PCDHGA5: variants seen among roughly 807,000 people sequenced by gnomAD.
The protein encoded by PCDHGA5 is protocadherin gamma-A5.
In PCDHGA5, 36 loss-of-function variants were observed where a neutral mutation model predicts 56.7. The ratio of observed to expected loss-of-function variants is 0.64; its 90% CI spans 0.49 to 0.84. The LOEUF is 0.84. PCDHGA5 is among the 40% of genes least tolerant of loss of function. The pLI is 0.00. For missense variants in PCDHGA5, 1,305 were observed against 1,201.5 expected (o/e 1.09, Z -1.27); for synonymous variants, 563 against 520.2 (o/e 1.08, Z -1.12).
At chr5:141,398,415 C>T (rs2093654537) in intron 1 of PCDHGA5, 2 of 1,487,146 alleles carry the variant, frequency 1.3e-6, no homozygotes, top group Non-Finnish European at 1.9e-6. Context: ...AGGAGATATG[C>T]GGGAAGAAGC....
Position 141,485,966 on chromosome 5 carries a change from A to T in PCDHGA5, c.2422-8841A>T. ...AGCGGGCATGGTGCTCATCCAGCTC[A>T]ATGCCTCAGACCCGGACCTGGGTCC... On this transcript the variant is annotated intron_variant, in intron 1 of 3. Coordinates refer to ENST00000518069, the MANE Select transcript of PCDHGA5 (RefSeq NM_018918.3). The surrounding 1 kb of genome is among the most constrained non-coding windows in gnomAD (Gnocchi z 5.7). 1 of 1,614,168 alleles carries T rather than the reference A, an allele frequency of 6.2e-7. No individual in the cohort carries two copies. Among genetic ancestry groups the T allele is most frequent in the Non-Finnish European group, 8.5e-7 (1 of 1,179,988 alleles).
intron 1 of PCDHGA5, among the ~76,000 whole-genome samples, chr5:141,463,073 C>G (rs911706393): frequency 6.6e-6 from 1 of 152,110 alleles, no homozygotes; most frequent in African/African-American, 2.4e-5. Flanking sequence ...AAATGAAATT[C>G]AAACATTTTC....
At chr5:141,499,648 CAT>C (rs1434824310) in intron 2 of PCDHGA5, among the ~76,000 whole-genome samples, 2 of 148,784 alleles carry the variant, frequency 1.3e-5, no homozygotes, top group Admixed American at 6.7e-5. Flanking sequence ...TCTCAGACAT[CAT>C]ATAATTTCAT....
At position 141,487,791 on chromosome 5, in the gene PCDHGA5, C is replaced by T; in HGVS notation, c.2422-7016C>T. ...CTTTGTAACTGTTTCGTGAATTAAC[C>T]AGAGTTGTCACAGTTTAGCATTGGG... On this transcript the variant is annotated intron_variant, in intron 1 of 3. Coordinates refer to ENST00000518069, the MANE Select transcript of PCDHGA5 (RefSeq NM_018918.3). This position sits in a 1 kb window ranked among gnomAD's most constrained non-coding sequence, Gnocchi z 5.0. 6.6e-7 allele frequency: 1 copy of T among 1,510,152 alleles called. No individual in the cohort carries two copies. The highest frequency in any genetic ancestry group is 1.4e-5 in the African/African-American group (1 of 72,206). The allele number at this position is 1,510,152 out of a possible 1,614,324, so 93.5% of individuals were successfully genotyped here. A position where few individuals can be genotyped will look rare whatever the true frequency, so the allele number is the denominator to read the frequency against.
At position 141,490,561 on chromosome 5, in the gene PCDHGA5, A is replaced by C. The variant is rs2099701634; in HGVS notation, c.2422-4246A>C. The stretch of plus-strand genomic sequence containing the variant: ...TTCCCTACACAAACATCTCACCATC[A>C]GGCTCAACATTTCAGATGTCAATGA... On this transcript the variant is annotated intron_variant, in intron 1 of 3. Transcript: ENST00000518069. The surrounding 1 kb of genome is among the most constrained non-coding windows in gnomAD (Gnocchi z 5.4). The C allele has an allele frequency of 1.2e-6, 2 of 1,614,090 alleles. No homozygotes were observed. The highest frequency in any genetic ancestry group is 1.7e-4 in the Middle Eastern group (1 of 6,060).
chr5:141,464,640 C>T (rs1482089475), intron 1 of PCDHGA5, among the ~76,000 whole-genome samples: 2 of 151,952 alleles, frequency 1.3e-5, no homozygotes, highest in Admixed American at 6.6e-5. Context: ...TTGTTGCCAA[C>T]CTGATGGGTA....
rs1432960207 is a variant in PCDHGA5, at chr5:141,477,648, C to A, written c.2422-17159C>A. On this transcript the variant is annotated intron_variant, in intron 1 of 3. Coordinates refer to ENST00000518069, the MANE Select transcript of PCDHGA5 (RefSeq NM_018918.3). This position sits in a 1 kb window ranked among gnomAD's most constrained non-coding sequence, Gnocchi z 4.9. ...ACCGGGCTAGTGGGTCGCTATTTCA[C>A]AATAAATCGTGACAATGGCATAGTG... is the stretch of plus-strand genomic sequence containing the variant. 7 of 1,614,046 alleles carry A rather than the reference C, an allele frequency of 4.3e-6. No homozygotes were observed. Among genetic ancestry groups the A allele is most frequent in the Non-Finnish European group, 5.9e-6 (7 of 1,180,044 alleles).
intron 1 of PCDHGA5, among the ~76,000 whole-genome samples, chr5:141,481,692 G>A (rs1231630072): frequency 3.3e-5 from 5 of 152,020 alleles, no homozygotes; most frequent in East Asian, 1.9e-4. Context: ...GGTGGCTCAC[G>A]CCTGTAATCC....
intron 1 of PCDHGA5, among the ~76,000 whole-genome samples, chr5:141,402,017 A>G (rs1052839882): frequency 2.0e-5 from 3 of 152,210 alleles, no homozygotes; most frequent in African/African-American, 7.2e-5. Flanking sequence ...ATGCATTTGA[A>G]TCATTGAAAC....
chr5:141,413,660 T>C (rs747874019), intron 1 of PCDHGA5: 5 of 1,613,752 alleles, frequency 3.1e-6, no homozygotes, highest in Non-Finnish European at 4.2e-6. Flanking sequence ...CCGGAAGCTA[T>C]TGATCCGGAT....
chr5:141,388,791 A>C (rs1247299397), intron 1 of PCDHGA5: 1 of 1,613,810 alleles, frequency 6.2e-7, no homozygotes, highest in Admixed American at 1.7e-5. Flanking sequence ...TACTGTTTTA[A>C]ATACATTAGA....
At chr5:141,419,475 C>G (rs775720158) in intron 1 of PCDHGA5, 2 of 1,612,266 alleles carry the variant, frequency 1.2e-6, no homozygotes, top group Admixed American at 1.7e-5. Context: ...GACCAGGGCT[C>G]GCCCGCGCTC....
intron 1 of PCDHGA5, chr5:141,419,430 A>T: frequency 1.2e-6 from 2 of 1,613,318 alleles, no homozygotes; most frequent in Non-Finnish European, 1.7e-6. Flanking sequence ...GACCACGAGC[A>T]GCTGCGCACC....
chr5:141,403,925 G>A, intron 1 of PCDHGA5: 1 of 1,613,868 alleles, frequency 6.2e-7, no homozygotes, highest in South Asian at 1.1e-5. Flanking sequence ...TGAAGATGGT[G>A]GGGGATTGAA....
intron 2 of PCDHGA5, among the ~76,000 whole-genome samples, chr5:141,497,832 G>A (rs1326640712): frequency 1.3e-5 from 2 of 151,992 alleles, no homozygotes; most frequent in Non-Finnish European, 2.9e-5. Context: ...GATCGCCCCC[G>A]GCCACAACAA....
intron 1 of PCDHGA5, chr5:141,421,325 G>A: frequency 6.2e-7 from 1 of 1,613,906 alleles, no homozygotes; most frequent in Non-Finnish European, 8.5e-7. Context: ...AGGCAGATCC[G>A]ATATTCGGTG....
At chr5:141,462,651 CA>C (rs60282352) in intron 1 of PCDHGA5, among the ~76,000 whole-genome samples, 42,411 of 152,004 alleles carry the variant, frequency 0.28, 6,634 homozygotes, top group African/African-American at 0.43. Flanking sequence ...TTTCCATCCT[CA>C]ATTATCTTCA....
chr5:141,373,211 T>C (rs1258872699), intron 1 of PCDHGA5, among the ~76,000 whole-genome samples: 1 of 152,254 alleles, frequency 6.6e-6, no homozygotes, highest in Non-Finnish European at 1.5e-5. Flanking sequence ...AACACATTTT[T>C]AATGTAACCT....
intron 1 of PCDHGA5, among the ~76,000 whole-genome samples, chr5:141,379,889 CTTTTTTTTTTTT>C (rs70988800): frequency 3.0e-4 from 15 of 50,832 alleles, no homozygotes; most frequent in South Asian, 9.2e-4. Flanking sequence ...GTGAAAGCCT[CTTTTTTTTTTTT>C]TTTTTTTTTT....
Sources: gnomAD v4.1 joint callset for allele counts (sites outside exome capture counted in the v4.1 genomes callset) on GRCh38, gnomAD v4.1.1 for gene constraint, Gnocchi (gnomAD v3.1) non-coding constraint, MANE v1.5 for transcripts, NCBI Gene and HGNC (gene_info 2026-07-23, HGNC 2026-07-21) for gene names.